Variants in TYW3 observed in about 807,000 individuals in gnomAD.
The protein encoded by TYW3 is tRNA-yW synthesizing protein 3 homolog, also known as tRNA wybutosine-synthesizing protein 3 homolog.
TYW3 carries 26 observed loss-of-function variants against 23.1 expected under a neutral mutation model. The ratio of observed to expected loss-of-function variants is 1.13; its 90% CI spans 0.83 to 1.56. TYW3 has a LOEUF of 1.56. Ranked by LOEUF, TYW3 falls within the 40% of genes most tolerant of loss-of-function variation. TYW3 has a pLI of 0.00. For synonymous variants in TYW3, 102 were observed against 105.7 expected (o/e 0.97, Z 0.21); for missense variants, 316 against 311.9 (o/e 1.01, Z -0.10).
At chr1:74,761,500 A>T (rs114363344) in intron 5 of TYW3, among the ~76,000 whole-genome samples, 1 of 151,982 alleles carries the variant, frequency 6.6e-6, no homozygotes, top group African/African-American at 2.4e-5. Flanking sequence ...AGAAAAAAAC[A>T]CTCAGTTACC....
rs1483908846 is a variant in TYW3, at chr1:74,765,858, C to CTGT, written c.*1747_*1749dup. 1 of 152,030 alleles carries CTGT rather than the reference C, an allele frequency of 6.6e-6. No individual in the cohort carries two copies. The highest frequency in any genetic ancestry group is 2.4e-5 in the African/African-American group (1 of 41,398). 9.4% of individuals were successfully genotyped at this position (152,030 alleles called of 1,614,324 possible). On this transcript the variant is annotated 3_prime_UTR_variant, in exon 6 of 6. Coordinates refer to ENST00000370867, the MANE Select transcript of TYW3 (RefSeq NM_138467.3). ...AAGAAGAGAGGGGCTGCTTCCTAATCTGTTTATATAAGGTATAGTATAGTA... is the reference window on the plus strand; with the variant it reads ...AAGAAGAGAGGGGCTGCTTCCTAATCTGTTGTTTATATAAGGTATAGTATAGTA...
chr1:74,740,646 C>CA (rs1648320638), intron 3 of TYW3, among the ~76,000 whole-genome samples: 1 of 152,182 alleles, frequency 6.6e-6, no homozygotes, highest in South Asian at 2.1e-4. Flanking sequence ...GGTGCGTTTA[C>CA]AATCCTTTAG....
chr1:74,743,016 T>A (rs1208796616), intron 3 of TYW3, among the ~76,000 whole-genome samples: 6 of 152,128 alleles, frequency 3.9e-5, no homozygotes, highest in Non-Finnish European at 8.8e-5. Flanking sequence ...GAGCTGGCAC[T>A]TGCCCCCGGC....
rs145886148 is a variant in TYW3 at position 74,759,128 on chromosome 1, T to A, written c.561-4766T>A. 1.3e-3 allele frequency among the ~76,000 whole-genome samples: 194 copies of A among 152,330 alleles called. 2 individuals are homozygous for A. The highest frequency in any genetic ancestry group is 0.01 in the Middle Eastern group (3 of 294). ...GGCTTCAAAGCATTAGGATGCTTATTCTGGAAGACCTGTCAGATGGTTTAG... is the reference window on the plus strand; with the variant it reads ...GGCTTCAAAGCATTAGGATGCTTATACTGGAAGACCTGTCAGATGGTTTAG... On this transcript the variant is annotated intron_variant, in intron 5 of 5. Coordinates refer to ENST00000370867, the MANE Select transcript of TYW3 (RefSeq NM_138467.3).
chr1:74,738,923 C>A, intron 3 of TYW3, 135 bp downstream of exon 3: 1 of 466,662 alleles, frequency 2.1e-6, no homozygotes, highest in Non-Finnish European at 3.6e-6. Context: ...TATTGGTCTG[C>A]TCAATCTATT....
chr1:74,744,629 G>A (rs1648491648), intron 3 of TYW3, among the ~76,000 whole-genome samples: 2 of 152,118 alleles, frequency 1.3e-5, no homozygotes, highest in African/African-American at 4.8e-5. Context: ...TCCCATCTGG[G>A]TCGCCAAATG....
intron 5 of TYW3, among the ~76,000 whole-genome samples, chr1:74,761,063 CTTT>C (rs5775263): frequency 1.4e-5 from 2 of 146,664 alleles, no homozygotes; most frequent in Non-Finnish European, 1.5e-5. Flanking sequence ...CCTGAACATA[CTTT>C]TTTTTTTTTT....
At chr1:74,742,243 C>A (rs900279824) in intron 3 of TYW3, among the ~76,000 whole-genome samples, 5 of 152,190 alleles carry the variant, frequency 3.3e-5, no homozygotes, top group African/African-American at 1.2e-4. Context: ...CTTTGGCACA[C>A]CCCTCACAGG....
In TYW3 at chr1:74,763,950, C is replaced by T. The variant is rs751666471; in HGVS notation, c.617C>T (p.Pro206Leu). ...LERETMTNLH[P>L]KIKEKNNSSY... ...AGGGAAACGATGACTAACTTACATCCCAAGATCAAAGAGAAAAATAACTCA... is the reference window on the plus strand; with the variant it reads ...AGGGAAACGATGACTAACTTACATCTCAAGATCAAAGAGAAAAATAACTCA... Residue 206 changes from proline to leucine, a missense_variant, in exon 6 of 6, where the codon CCC (proline) becomes CTC (leucine). Coordinates refer to ENST00000370867, the MANE Select transcript of TYW3 (RefSeq NM_138467.3). 1.9e-6 allele frequency: 3 copies of T among 1,608,100 alleles called. No homozygotes were observed. The highest frequency in any genetic ancestry group is 2.5e-6 in the Non-Finnish European group (3 of 1,178,610).
intron 4 of TYW3, among the ~76,000 whole-genome samples, chr1:74,750,474 G>T (rs917321102): frequency 4.6e-5 from 7 of 151,970 alleles, no homozygotes; most frequent in Admixed American, 1.3e-4. Context: ...TGAGGCAGGA[G>T]AATTGCTTGA....
At chr1:74,735,376 A>C (rs993028460) in intron 1 of TYW3, among the ~76,000 whole-genome samples, 1 of 152,082 alleles carries the variant, frequency 6.6e-6, no homozygotes, top group African/African-American at 2.4e-5. Flanking sequence ...TATCTGAGAC[A>C]TGATTCCCAA....
At chr1:74,733,749 G>C (rs1648013221) in intron 1 of TYW3, among the ~76,000 whole-genome samples, 1 of 152,186 alleles carries the variant, frequency 6.6e-6, no homozygotes, top group African/African-American at 2.4e-5. Flanking sequence ...TAGAAAATTT[G>C]ATTTTATTAT....
intron 3 of TYW3, among the ~76,000 whole-genome samples, chr1:74,742,229 A>C (rs1241771874): frequency 6.6e-6 from 1 of 152,210 alleles, no homozygotes; most frequent in Non-Finnish European, 1.5e-5. Flanking sequence ...CTAAGGGATT[A>C]TTCCTTTGGC....
At chr1:74,749,521 T>C (rs1227313410) in intron 4 of TYW3, among the ~76,000 whole-genome samples, 1 of 152,214 alleles carries the variant, frequency 6.6e-6, no homozygotes, top group Non-Finnish European at 1.5e-5. Context: ...TCCTGTGATA[T>C]TTACTGTTTG....
intron 2 of TYW3, among the ~76,000 whole-genome samples, chr1:74,738,148 C>A (rs568450996): frequency 1.5e-3 from 229 of 151,894 alleles, no homozygotes; most frequent in Non-Finnish European, 2.6e-3. Flanking sequence ...GCAATTGTTA[C>A]AACAACTGTG....
chr1:74,744,255 A>C (rs3207033), intron 3 of TYW3, among the ~76,000 whole-genome samples: 1 of 152,126 alleles, frequency 6.6e-6, no homozygotes, highest in Non-Finnish European at 1.5e-5. Flanking sequence ...TGGACATAAG[A>C]TATTTCACTC....
chr1:74,758,961 AAC>A (rs1447279418), intron 5 of TYW3, among the ~76,000 whole-genome samples: 2 of 152,210 alleles, frequency 1.3e-5, no homozygotes, highest in Admixed American at 1.3e-4. Flanking sequence ...CTTGAAAGTT[AAC>A]ACATTATATT....
chr1:74,758,464 T>G (rs1429402671), intron 5 of TYW3, among the ~76,000 whole-genome samples: 1 of 151,710 alleles, frequency 6.6e-6, no homozygotes, highest in East Asian at 1.9e-4. Context: ...CCAGCCATTT[T>G]CATGGTTCTG....
chr1:74,743,501 A>G (rs916515863), intron 3 of TYW3, among the ~76,000 whole-genome samples: 1 of 152,020 alleles, frequency 6.6e-6, no homozygotes, highest in African/African-American at 2.4e-5. Context: ...GTGACAGGGG[A>G]GTATATTTTC....
Sources: allele counts gnomAD v4.1 joint callset (sites outside exome capture counted in the v4.1 genomes callset), GRCh38; gene constraint gnomAD v4.1.1; transcripts MANE v1.5; gene names NCBI Gene and HGNC (gene_info 2026-07-23, HGNC 2026-07-21).